GRM1: variants seen among roughly 807,000 people sequenced by gnomAD.
GRM1 encodes the protein glutamate metabotropic receptor 1.
GRM1 carries 33 observed loss-of-function variants against 90.9 expected under a neutral mutation model. That is an observed-to-expected ratio of 0.36 (90% confidence interval 0.28 to 0.49). The LOEUF (loss-of-function observed/expected upper bound fraction) is 0.49. GRM1 is among the 20% of genes least tolerant of loss of function. The probability of loss-of-function intolerance (pLI) is 0.99; values close to 1 mark genes in which losing one functional copy is unlikely to be tolerated. For synonymous variants in GRM1, 700 were observed against 613.2 expected (o/e 1.14, Z -2.09); for missense variants, 1,190 against 1,534.3 (o/e 0.78, Z 3.75).
intron 2 of GRM1, among the ~76,000 whole-genome samples, chr6:146,301,543 A>C (rs1783380173): frequency 2.0e-5 from 3 of 152,208 alleles, no homozygotes; most frequent in Admixed American, 2.0e-4. Flanking sequence ...TCTTGTACAG[A>C]CTGTAAACAA....
At chr6:146,076,238 G>T (rs1026346253) in intron 1 of GRM1, among the ~76,000 whole-genome samples, 1 of 152,176 alleles carries the variant, frequency 6.6e-6, no homozygotes, top group Non-Finnish European at 1.5e-5. Context: ...AGACAGCCTG[G>T]TGAGGGACTT....
At chr6:146,201,182 T>G (rs1329104475) in intron 2 of GRM1, among the ~76,000 whole-genome samples, 2 of 152,210 alleles carry the variant, frequency 1.3e-5, no homozygotes, top group Non-Finnish European at 2.9e-5. Flanking sequence ...AAAATTTGAG[T>G]TGCTGATATA....
chr6:146,322,798 C>CT (rs1183456631), intron 3 of GRM1, among the ~76,000 whole-genome samples: 3 of 151,906 alleles, frequency 2.0e-5, no homozygotes, highest in Admixed American at 2.0e-4. Context: ...GTTCCCCTTC[C>CT]TGTGTCCATG....
At chr6:146,168,952 G>A (rs751330366) in intron 2 of GRM1, among the ~76,000 whole-genome samples, 2 of 151,976 alleles carry the variant, frequency 1.3e-5, no homozygotes, top group Admixed American at 1.3e-4. Context: ...GGGACTTGGG[G>A]CTTATTGAAC....
At chr6:146,041,649 T>C (rs1791110910) in intron 1 of GRM1, among the ~76,000 whole-genome samples, 1 of 151,986 alleles carries the variant, frequency 6.6e-6, no homozygotes, top group Non-Finnish European at 1.5e-5. Context: ...CTGAACCTCC[T>C]CTCTGACTCG....
At chr6:146,415,411 T>C (rs1032773429) in intron 7 of GRM1, among the ~76,000 whole-genome samples, 2 of 152,166 alleles carry the variant, frequency 1.3e-5, no homozygotes, top group East Asian at 3.9e-4. Flanking sequence ...GAGGTTTTTG[T>C]TTTTGTTTTT....
chr6:146,085,540 T>C (rs1419618295), intron 1 of GRM1, among the ~76,000 whole-genome samples: 2 of 152,182 alleles, frequency 1.3e-5, no homozygotes, highest in Non-Finnish European at 2.9e-5. Context: ...TTAAGCTGAC[T>C]AGACCCTTTG....
At chr6:146,113,071 A>G (rs1403111444) in intron 1 of GRM1, among the ~76,000 whole-genome samples, 3 of 152,222 alleles carry the variant, frequency 2.0e-5, no homozygotes, top group Non-Finnish European at 4.4e-5. Context: ...TCCAATAGTA[A>G]GAAAGTAGCA....
chr6:146,069,140 A>G (rs921639249), intron 1 of GRM1, among the ~76,000 whole-genome samples: 11 of 152,290 alleles, frequency 7.2e-5, no homozygotes, highest in African/African-American at 2.2e-4. Flanking sequence ...TTGTGGACCT[A>G]TTGAAGGAGA....
intron 2 of GRM1, among the ~76,000 whole-genome samples, chr6:146,239,553 A>C (rs1393575375): frequency 1.3e-5 from 2 of 152,140 alleles, no homozygotes; most frequent in Admixed American, 1.3e-4. Flanking sequence ...GCATGAAAAA[A>C]AATGATTTTA....
At chr6:146,378,750 G>T (rs535302667) in intron 5 of GRM1, among the ~76,000 whole-genome samples, 1 of 152,282 alleles carries the variant, frequency 6.6e-6, no homozygotes, top group Admixed American at 6.5e-5. Flanking sequence ...TTAAGACTTT[G>T]TGGGACTGTT....
chr6:146,317,055 C>T (rs571502059), intron 3 of GRM1, among the ~76,000 whole-genome samples: 2 of 152,302 alleles, frequency 1.3e-5, no homozygotes, highest in South Asian at 4.1e-4. Context: ...GTACATTGAA[C>T]CTAACAGACT....
intron 3 of GRM1, among the ~76,000 whole-genome samples, chr6:146,346,937 G>A (rs1003451771): frequency 6.6e-6 from 1 of 152,096 alleles, no homozygotes; most frequent in Non-Finnish European, 1.5e-5. Flanking sequence ...TTGCTTCCCC[G>A]AATGCTTCCT....
At chr6:146,188,957 A>G (rs1275532739) in intron 2 of GRM1, among the ~76,000 whole-genome samples, 2 of 152,188 alleles carry the variant, frequency 1.3e-5, no homozygotes, top group Non-Finnish European at 2.9e-5. Context: ...AACATAGTCT[A>G]TGCTAAGCTA....
intron 5 of GRM1, among the ~76,000 whole-genome samples, chr6:146,362,773 G>A (rs996348966): frequency 6.7e-6 from 1 of 149,726 alleles, no homozygotes; most frequent in African/African-American, 2.5e-5. Context: ...CCTAAGAAAA[G>A]AAGACTGCTT....
chr6:146,205,466 G>A, intron 2 of GRM1, among the ~76,000 whole-genome samples: 1 of 152,138 alleles, frequency 6.6e-6, no homozygotes, highest in South Asian at 2.1e-4. Flanking sequence ...ATCTGACAGT[G>A]GATATTCGAA....
chr6:146,289,853 C>T (rs571120449), intron 2 of GRM1, among the ~76,000 whole-genome samples: 1 of 152,276 alleles, frequency 6.6e-6, no homozygotes, highest in South Asian at 2.1e-4. Flanking sequence ...ATGTAGTAAA[C>T]TGTACCATCT....
chr6:146,099,971 T>C (rs190941280), intron 1 of GRM1, among the ~76,000 whole-genome samples: 30 of 152,356 alleles, frequency 2.0e-4, no homozygotes, highest in Admixed American at 2.0e-3. Flanking sequence ...ATGTATAAAT[T>C]TATATTTCTA....
At chr6:146,163,884 TC>T (rs1777820134) in intron 2 of GRM1, among the ~76,000 whole-genome samples, 1 of 152,174 alleles carries the variant, frequency 6.6e-6, no homozygotes, top group Admixed American at 6.5e-5. Context: ...AACGGATAAC[TC>T]ATTTAACCTC....
Sources: allele counts gnomAD v4.1 joint callset (sites outside exome capture counted in the v4.1 genomes callset), GRCh38; gene constraint gnomAD v4.1.1; transcripts MANE v1.5; gene names NCBI Gene and HGNC (gene_info 2026-07-23, HGNC 2026-07-21).